Variants in ACVR2A observed in about 807,000 individuals in gnomAD.
ACVR2A encodes the protein activin receptor type-2A.
Under a neutral mutation model 61.4 loss-of-function variants are expected in ACVR2A, and 7 were observed. The ratio of observed to expected loss-of-function variants is 0.11; its 90% CI spans 0.06 to 0.21. ACVR2A has a LOEUF of 0.21. Ranked by LOEUF, ACVR2A falls within the 10% of genes least tolerant of loss-of-function variation. ACVR2A has a pLI of 1.00. For missense variants in ACVR2A, 322 were observed against 621.7 expected (o/e 0.52, Z 5.13); for synonymous variants, 193 against 208.3 (o/e 0.93, Z 0.63).
intron 4 of ACVR2A, among the ~76,000 whole-genome samples, chr2:147,914,760 A>C (rs1687209160): frequency 6.6e-6 from 1 of 151,968 alleles, no homozygotes; most frequent in African/African-American, 2.4e-5. Context: ...AAAGTAATAG[A>C]TCTTCAGGAG....
chr2:147,926,973 ACTT>A, intron 10 of ACVR2A, 104 bp from the exon 11 acceptor site: 1 of 1,069,116 alleles, frequency 9.4e-7, no homozygotes. Flanking sequence ...GTTGACAGAA[ACTT>A]CTTTGACCCA....
At chr2:147,907,851 C>A (rs1453092145) in intron 4 of ACVR2A, among the ~76,000 whole-genome samples, 1 of 151,730 alleles carries the variant, frequency 6.6e-6, no homozygotes, top group East Asian at 1.9e-4. Flanking sequence ...CATGGGAAAA[C>A]AACATGGGGA....
intron 1 of ACVR2A, among the ~76,000 whole-genome samples, chr2:147,863,815 G>C: frequency 6.6e-6 from 1 of 152,154 alleles, no homozygotes; most frequent in African/African-American, 2.4e-5. Flanking sequence ...AACAGAAGTT[G>C]TTCCTTTTGG....
intron 10 of ACVR2A, 43 bp downstream of exon 10, chr2:147,926,204 C>T (rs748838448): frequency 1.3e-6 from 2 of 1,586,370 alleles, no homozygotes; most frequent in Non-Finnish European, 1.7e-6. Flanking sequence ...TCCAATAAAA[C>T]ACTTTTCAGA....
chr2:147,848,608 G>T (rs1015766843), intron 1 of ACVR2A, among the ~76,000 whole-genome samples: 2 of 152,096 alleles, frequency 1.3e-5, no homozygotes, highest in Non-Finnish European at 2.9e-5. Flanking sequence ...GCAAAATGAT[G>T]AGAAAACATG....
intron 1 of ACVR2A, among the ~76,000 whole-genome samples, chr2:147,848,605 G>T (rs1685375241): frequency 6.6e-6 from 1 of 152,122 alleles, no homozygotes; most frequent in African/African-American, 2.4e-5. Context: ...GGAGCAAAAT[G>T]ATGAGAAAAC....
In ACVR2A at chr2:147,928,147, T is replaced by C. The variant is rs1409531456; in HGVS notation, c.*873T>C. The stretch of plus-strand genomic sequence containing the variant: ...CATCTTATATCCAGTTCCCAAAATT[T>C]GCATACTTACCTAAGTATTTTTTTT... On this transcript the variant is annotated 3_prime_UTR_variant, in exon 11 of 11. Coordinates refer to ENST00000241416, the MANE Select transcript of ACVR2A (RefSeq NM_001616.5). 1.3e-5 allele frequency: 2 copies of C among 152,366 alleles called. No individual in the cohort carries two copies. Among genetic ancestry groups the C allele is most frequent in the Non-Finnish European group, 2.9e-5 (2 of 67,928 alleles). 9.4% of individuals were successfully genotyped at this position (152,366 alleles called of 1,614,324 possible).
chr2:147,866,394 G>A (rs1353447807), intron 1 of ACVR2A, among the ~76,000 whole-genome samples: 1 of 152,196 alleles, frequency 6.6e-6, no homozygotes, highest in African/African-American at 2.4e-5. Flanking sequence ...AATCTGGAGT[G>A]GGGCCTGAGG....
intron 1 of ACVR2A, among the ~76,000 whole-genome samples, chr2:147,880,155 T>C (rs1435250755): frequency 6.6e-6 from 1 of 152,150 alleles, no homozygotes; most frequent in Non-Finnish European, 1.5e-5. Context: ...AAGAAGCTGT[T>C]ATGGTTGCTG....
chr2:147,885,009 C>T (rs1341757706), intron 1 of ACVR2A, among the ~76,000 whole-genome samples: 2 of 152,094 alleles, frequency 1.3e-5, no homozygotes, highest in African/African-American at 4.8e-5. Context: ...TGGTCTTCAT[C>T]TTCCCAACCT....
intron 1 of ACVR2A, among the ~76,000 whole-genome samples, chr2:147,881,533 G>A (rs1473794751): frequency 6.7e-6 from 1 of 149,342 alleles, no homozygotes; most frequent in African/African-American, 2.5e-5. Context: ...TATAATGGAT[G>A]TCTAGTTATT....
At chr2:147,847,868 G>A (rs1288728473) in intron 1 of ACVR2A, among the ~76,000 whole-genome samples, 1 of 152,190 alleles carries the variant, frequency 6.6e-6, no homozygotes, top group East Asian at 1.9e-4. Flanking sequence ...GTTTGTTGAA[G>A]TATGAGAATG....
At chr2:147,850,461 A>C (rs1230102052) in intron 1 of ACVR2A, among the ~76,000 whole-genome samples, 4 of 152,080 alleles carry the variant, frequency 2.6e-5, no homozygotes, top group Non-Finnish European at 4.4e-5. Flanking sequence ...TTTAATATTC[A>C]GGTTTTCCTT....
intron 6 of ACVR2A, 102 bp from the exon 7 acceptor site, chr2:147,918,345 T>C: frequency 1.0e-6 from 1 of 1,003,446 alleles, no homozygotes; most frequent in East Asian, 2.7e-5. Flanking sequence ...TATTTTTCCC[T>C]GAAAGGGAAA....
chr2:147,927,049 G>T, intron 10 of ACVR2A, 31 bp from the exon 11 acceptor site: 1 of 1,588,942 alleles, frequency 6.3e-7, no homozygotes. Context: ...AAACTGCTGT[G>T]GCGTTTGAGT....
In ACVR2A at chr2:147,923,118, G is replaced by GA. The variant is rs759141373; in HGVS notation, c.1216+14dup. The GA allele has an allele frequency of 2.5e-6, 4 of 1,598,792 alleles. No individual in the cohort carries two copies. Among genetic ancestry groups the GA allele is most frequent in the Non-Finnish European group, 3.4e-6 (4 of 1,175,170 alleles). ...CGCTGTACTGCTGCAGATGGTAAGG[G>GA]AAAAAAATATTTTTAAAAAAGATAT... On this transcript the variant is annotated splice_region_variant and intron_variant, in intron 9 of 10. Transcript: ENST00000241416.
At chr2:147,919,479 T>C in intron 7 of ACVR2A, among the ~76,000 whole-genome samples, 1 of 152,166 alleles carries the variant, frequency 6.6e-6, no homozygotes, top group Non-Finnish European at 1.5e-5. Flanking sequence ...ATCGATTAGC[T>C]TTTATAGCAT....
intron 1 of ACVR2A, among the ~76,000 whole-genome samples, chr2:147,858,398 A>C (rs1175157661): frequency 6.6e-6 from 1 of 152,198 alleles, no homozygotes; most frequent in African/African-American, 2.4e-5. Context: ...TTCCATAAAC[A>C]ACCAAATATT....
At chr2:147,924,972 T>C (rs1017890413) in intron 9 of ACVR2A, among the ~76,000 whole-genome samples, 4 of 151,948 alleles carry the variant, frequency 2.6e-5, no homozygotes, top group African/African-American at 4.8e-5. Context: ...ATAATTCTTA[T>C]ATTTGAAGAG....
Sources: allele counts gnomAD v4.1 joint callset (sites outside exome capture counted in the v4.1 genomes callset), GRCh38; gene constraint gnomAD v4.1.1; transcripts MANE v1.5; gene names NCBI Gene and HGNC (gene_info 2026-07-23, HGNC 2026-07-21).